Variants in NAALADL2 observed in about 807,000 individuals in gnomAD.
The protein encoded by NAALADL2 is N-acetylated alpha-linked acidic dipeptidase like 2, also known as inactive N-acetylated-alpha-linked acidic dipeptidase-like protein 2.
NAALADL2 carries 76 observed loss-of-function variants against 87.2 expected under a neutral mutation model. That is an observed-to-expected ratio of 0.87 (90% confidence interval 0.72 to 1.05). The LOEUF is 1.05. Ranked by LOEUF, NAALADL2 falls within the 50% of genes least tolerant of loss-of-function variation. The pLI, the probability that NAALADL2 is intolerant of heterozygous loss-of-function variation, is 0.00. For missense variants in NAALADL2, 1,089 were observed against 945.8 expected, an observed-to-expected ratio of 1.15 and a Z score of -1.99; for synonymous variants, 354 against 331.0, an observed-to-expected ratio of 1.07 and a Z score of -0.75.
chr3:175,238,955 G>T (rs1746375521), intron 3 of NAALADL2, among the ~76,000 whole-genome samples: 2 of 152,178 alleles, frequency 1.3e-5, no homozygotes, highest in Admixed American at 1.3e-4. Flanking sequence ...TTGCAGAAGA[G>T]GAGTGCCCCT....
At chr3:174,662,702 T>G (rs1451443710) in intron 2 of NAALADL2, among the ~76,000 whole-genome samples, 4 of 150,420 alleles carry the variant, frequency 2.7e-5, no homozygotes, top group Non-Finnish European at 6.0e-5. Context: ...GAAGTTCCTT[T>G]CATAGAAAAT....
chr3:175,415,459 T>C (rs1050729345), intron 5 of NAALADL2, among the ~76,000 whole-genome samples: 1 of 152,186 alleles, frequency 6.6e-6, no homozygotes, highest in Non-Finnish European at 1.5e-5. Flanking sequence ...TATTTTACTC[T>C]GTTACATTGC....
At chr3:175,595,863 C>T (rs760959661) in intron 10 of NAALADL2, among the ~76,000 whole-genome samples, 1 of 151,930 alleles carries the variant, frequency 6.6e-6, no homozygotes, top group Non-Finnish European at 1.5e-5. Flanking sequence ...CTACCAATGT[C>T]ATTCTTCAGA....
At chr3:175,698,534 A>T (rs1212868423) in intron 11 of NAALADL2, among the ~76,000 whole-genome samples, 2 of 144,684 alleles carry the variant, frequency 1.4e-5, no homozygotes, top group Non-Finnish European at 3.0e-5. Flanking sequence ...ATGTACATAG[A>T]GTGCAGGAAG....
chr3:175,305,744 ACTC>A (rs1359588480), intron 4 of NAALADL2, among the ~76,000 whole-genome samples: 1 of 151,680 alleles, frequency 6.6e-6, no homozygotes, highest in African/African-American at 2.4e-5. Context: ...CTGGTATCAA[ACTC>A]CTGACCTCAG....
At chr3:174,691,596 A>G (rs989014003) in intron 2 of NAALADL2, among the ~76,000 whole-genome samples, 1 of 152,110 alleles carries the variant, frequency 6.6e-6, no homozygotes, top group Admixed American at 6.5e-5. Context: ...ATTTCTTAAA[A>G]TAAGACAACA....
At chr3:174,527,686 A>T (rs1720887836) in intron 1 of NAALADL2, among the ~76,000 whole-genome samples, 1 of 152,264 alleles carries the variant, frequency 6.6e-6, no homozygotes, top group South Asian at 2.1e-4. Flanking sequence ...AGTCTAAAGA[A>T]TCTGTCTAAT....
intron 1 of NAALADL2, among the ~76,000 whole-genome samples, chr3:175,021,568 G>C (rs1328970971): frequency 1.3e-5 from 2 of 152,022 alleles, no homozygotes; most frequent in African/African-American, 2.4e-5. Context: ...TTCCCCTCAA[G>C]TGTTTCGTAT....
intron 5 of NAALADL2, among the ~76,000 whole-genome samples, chr3:175,416,121 T>A (rs1049804596): frequency 4.0e-5 from 6 of 151,830 alleles, no homozygotes; most frequent in Non-Finnish European, 8.8e-5. Flanking sequence ...GACCTCATCT[T>A]AAAATAAATA....
At chr3:175,642,608 C>T (rs1729449260) in intron 11 of NAALADL2, among the ~76,000 whole-genome samples, 1 of 151,614 alleles carries the variant, frequency 6.6e-6, no homozygotes, top group Non-Finnish European at 1.5e-5. Flanking sequence ...TCATGCCATT[C>T]TCCTGCCTCA....
At chr3:174,883,884 A>G (rs977386512) in intron 1 of NAALADL2, among the ~76,000 whole-genome samples, 1 of 152,140 alleles carries the variant, frequency 6.6e-6, no homozygotes, top group African/African-American at 2.4e-5. Flanking sequence ...TGGTAATACT[A>G]AGAGACCCCC....
intron 5 of NAALADL2, among the ~76,000 whole-genome samples, chr3:175,440,844 G>T (rs1463793065): frequency 1.3e-5 from 2 of 152,062 alleles, no homozygotes; most frequent in Non-Finnish European, 2.9e-5. Flanking sequence ...GCGACAGTTG[G>T]CTTCCTTTTT....
At chr3:174,491,418 T>G (rs1718185621) in intron 1 of NAALADL2, among the ~76,000 whole-genome samples, 1 of 152,208 alleles carries the variant, frequency 6.6e-6, no homozygotes, top group Non-Finnish European at 1.5e-5. Context: ...GTTATTTTTT[T>G]AAACAAATCG....
intron 1 of NAALADL2, among the ~76,000 whole-genome samples, chr3:175,015,782 C>T (rs1750732897): frequency 2.0e-5 from 3 of 151,574 alleles, no homozygotes; most frequent in Admixed American, 2.0e-4. Flanking sequence ...CATGTTATTG[C>T]AATAAAATTA....
intron 2 of NAALADL2, among the ~76,000 whole-genome samples, chr3:175,179,523 A>C (rs1279387938): frequency 6.6e-6 from 1 of 152,024 alleles, no homozygotes; most frequent in Non-Finnish European, 1.5e-5. Flanking sequence ...GGTGTTTCTT[A>C]GAAATTCAAG....
intron 2 of NAALADL2, among the ~76,000 whole-genome samples, chr3:174,655,688 G>A (rs2108765551): frequency 6.6e-6 from 1 of 152,102 alleles, no homozygotes; most frequent in South Asian, 2.1e-4. Context: ...ATATAACATG[G>A]ATTTAAAATG....
intron 9 of NAALADL2, among the ~76,000 whole-genome samples, chr3:175,495,340 C>G (rs886978152): frequency 6.6e-6 from 1 of 151,952 alleles, no homozygotes; most frequent in Non-Finnish European, 1.5e-5. Context: ...CTCACTCCAT[C>G]CTGCACTATG....
intron 3 of NAALADL2, among the ~76,000 whole-genome samples, chr3:175,249,685 G>A (rs1748653901): frequency 6.6e-6 from 1 of 152,080 alleles, no homozygotes; most frequent in Non-Finnish European, 1.5e-5. Flanking sequence ...CTTATTTTGA[G>A]CAAAGTGAGA....
intron 1 of NAALADL2, among the ~76,000 whole-genome samples, chr3:174,868,679 C>G (rs561331172): frequency 1.2e-4 from 18 of 152,230 alleles, no homozygotes; most frequent in African/African-American, 3.9e-4. Flanking sequence ...GCTTGGATGA[C>G]AGCAGGAATA....
Sources: gnomAD v4.1 joint callset for allele counts (sites outside exome capture counted in the v4.1 genomes callset) on GRCh38, gnomAD v4.1.1 for gene constraint, MANE v1.5 for transcripts, NCBI Gene and HGNC (gene_info 2026-07-23, HGNC 2026-07-21) for gene names.